MYT1L: variants seen among roughly 807,000 people sequenced by gnomAD.
MYT1L encodes the protein myelin transcription factor 1 like, also known as myelin transcription factor 1-like protein.
A neutral mutation model predicts 126.7 loss-of-function variants in MYT1L; 12 were observed. The observed-to-expected ratio is 0.09, with a 90% confidence interval of 0.06 to 0.15. The LOEUF (loss-of-function observed/expected upper bound fraction) is 0.15. Among genes scored for constraint, MYT1L ranks in the 10% least tolerant of loss-of-function variants. The pLI is 1.00. For synonymous variants in MYT1L, 541 were observed against 604.2 expected (o/e 0.90, Z 1.53); for missense variants, 979 against 1,585.2 (o/e 0.62, Z 6.49).
At chr2:2,150,880 A>AGGAAGGAAGGAAG (rs1390397498) in intron 3 of MYT1L, among the ~76,000 whole-genome samples, 1 of 133,326 alleles carries the variant, frequency 7.5e-6, no homozygotes, top group African/African-American at 2.9e-5. Context: ...AAGGGAGGGA[A>AGGAAGGAAGGAAG]GGAAGGAAGG....
In MYT1L at chr2:1,789,445, A is replaced by C. The variant is rs1410925090; in HGVS notation, c.*2422T>G. ...GATGACTCACAATAATCCATATGAA[A>C]GGTCAGCATTCTAATATGTGACACT... On this transcript the variant is annotated 3_prime_UTR_variant, in exon 25 of 25. Coordinates refer to ENST00000647738, the MANE Select transcript of MYT1L (RefSeq NM_001303052.2). 2 of 152,246 alleles carry C rather than the reference A, an allele frequency of 1.3e-5. No individual in the cohort carries two copies. Among genetic ancestry groups the C allele is most frequent in the African/African-American group, 4.8e-5 (2 of 41,462 alleles). 9.4% of individuals were successfully genotyped at this position (152,246 alleles called of 1,614,324 possible).
At chr2:1,914,950 C>A (rs546682646) in intron 11 of MYT1L, among the ~76,000 whole-genome samples, 1 of 152,214 alleles carries the variant, frequency 6.6e-6, no homozygotes, top group Admixed American at 6.5e-5. Flanking sequence ...CACCTCACGG[C>A]GGCCTTGGGG....
intron 19 of MYT1L, among the ~76,000 whole-genome samples, chr2:1,850,615 C>T (rs566006079): frequency 6.6e-6 from 1 of 152,286 alleles, no homozygotes; most frequent in African/African-American, 2.4e-5. Flanking sequence ...TACTAGAATG[C>T]ACCCGACCTT....
At chr2:1,911,768 A>T (rs1007315510) in intron 12 of MYT1L, among the ~76,000 whole-genome samples, 1 of 152,140 alleles carries the variant, frequency 6.6e-6, no homozygotes, top group Admixed American at 6.5e-5. Context: ...CCTTCCAGCC[A>T]TTGTAAATGG....
chr2:1,941,286 A>G (rs1275430963), intron 9 of MYT1L, among the ~76,000 whole-genome samples: 1 of 152,228 alleles, frequency 6.6e-6, no homozygotes, highest in Non-Finnish European at 1.5e-5. Context: ...CCGTCGCACC[A>G]AACATGAATG....
chr2:1,982,889 A>T (rs1263184618), intron 5 of MYT1L, among the ~76,000 whole-genome samples: 1 of 152,238 alleles, frequency 6.6e-6, no homozygotes, highest in East Asian at 1.9e-4. Flanking sequence ...GAAGTGCAGT[A>T]AAGCTAGTTT....
At chr2:2,259,895 A>G (rs1276448241) in intron 2 of MYT1L, among the ~76,000 whole-genome samples, 1 of 152,246 alleles carries the variant, frequency 6.6e-6, no homozygotes, top group Non-Finnish European at 1.5e-5. Flanking sequence ...AGCACTGGCC[A>G]GGGGTTCTGT....
intron 4 of MYT1L, among the ~76,000 whole-genome samples, chr2:2,040,399 T>C (rs1212139002): frequency 6.6e-6 from 1 of 152,302 alleles, no homozygotes; most frequent in East Asian, 1.9e-4. Context: ...TGCAGATTAA[T>C]CTTTAAAACT....
chr2:1,876,277 G>T (rs550828891), intron 18 of MYT1L, among the ~76,000 whole-genome samples: 40 of 152,292 alleles, frequency 2.6e-4, no homozygotes, highest in African/African-American at 8.9e-4. Flanking sequence ...GTGGGCCTGA[G>T]CCCCAGAGTC....
chr2:2,091,940 A>T (rs1190122796), intron 3 of MYT1L, among the ~76,000 whole-genome samples: 1 of 152,220 alleles, frequency 6.6e-6, no homozygotes, highest in Non-Finnish European at 1.5e-5. Flanking sequence ...CTCTGGATTA[A>T]GCTTTGACTG....
Position 1,887,339 on chromosome 2 carries a change from C to G in MYT1L, c.2642+149G>C. 2 of 984,864 alleles carry G rather than the reference C, an allele frequency of 2.0e-6. No homozygotes were observed. The highest frequency in any genetic ancestry group is 4.6e-5 in the Admixed American group (2 of 43,304). 61.0% of individuals were successfully genotyped at this position (984,864 alleles called of 1,614,324 possible). A position where few individuals can be genotyped will look rare whatever the true frequency, so the allele number is the denominator to read the frequency against. ...ACAGGCAAGTGCACGGTTAGCTGCT[C>G]ACTCTACTGACCCAGCAGTCGGAAA... On this transcript the variant is annotated intron_variant, in intron 17 of 24. Coordinates refer to ENST00000647738, the MANE Select transcript of MYT1L (RefSeq NM_001303052.2). The surrounding 1 kb of genome is among the most constrained non-coding windows in gnomAD (Gnocchi z 4.8).
In MYT1L at chr2:2,217,697, CAACAACAACAA is replaced by C. The variant is rs1355213814; in HGVS notation, c.-420-44720_-420-44710del. 2.6e-4 allele frequency among the ~76,000 whole-genome samples: 19 copies of C among 72,062 alleles called. 1 individual carries two copies. The South Asian group carries it at 6.4e-3, about 24-fold the overall frequency. 47.3% of individuals were successfully genotyped at this position (72,062 alleles called of 152,430 possible). On this transcript the variant is annotated intron_variant, in intron 2 of 24. Coordinates refer to ENST00000647738, the MANE Select transcript of MYT1L (RefSeq NM_001303052.2). ...ACAACAACAACAACAACAACAACAA[CAACAACAACAA>C]AAAAAAAAAAAGAAAGAAGGAAAAA...
intron 5 of MYT1L, among the ~76,000 whole-genome samples, chr2:1,995,026 C>T (rs953527309): frequency 2.0e-5 from 3 of 151,854 alleles, no homozygotes; most frequent in East Asian, 1.9e-4. Context: ...GGAGGAAATA[C>T]GTTATTCCAC....
chr2:1,794,301 A>G (rs2032928149), intron 23 of MYT1L, among the ~76,000 whole-genome samples: 1 of 152,230 alleles, frequency 6.6e-6, no homozygotes, highest in Non-Finnish European at 1.5e-5. Context: ...AGCCCAGCCC[A>G]GCTCGCCTCT....
chr2:2,310,552 T>C (rs1484781399), intron 1 of MYT1L, among the ~76,000 whole-genome samples: 1 of 152,208 alleles, frequency 6.6e-6, no homozygotes, highest in Non-Finnish European at 1.5e-5. Context: ...CCATGTGTAT[T>C]CTCTTCTATG....
At chr2:2,123,588 C>G (rs997384257) in intron 3 of MYT1L, among the ~76,000 whole-genome samples, 2 of 152,148 alleles carry the variant, frequency 1.3e-5, no homozygotes, top group East Asian at 3.9e-4. Context: ...CCTGCTCTGG[C>G]CTTACAAGAT....
chr2:2,052,662 G>A (rs1441882653), intron 4 of MYT1L, among the ~76,000 whole-genome samples: 3 of 152,062 alleles, frequency 2.0e-5, no homozygotes, highest in African/African-American at 7.2e-5. Flanking sequence ...ATAAACACAT[G>A]GAAAGATGCT....
At chr2:2,137,854 T>G (rs1162815672) in intron 3 of MYT1L, among the ~76,000 whole-genome samples, 2 of 151,870 alleles carry the variant, frequency 1.3e-5, no homozygotes, top group Non-Finnish European at 2.9e-5. Flanking sequence ...CTAATTAAAC[T>G]AAAGAGCTTC....
chr2:2,119,376 A>T (rs1042739568), intron 3 of MYT1L, among the ~76,000 whole-genome samples: 5 of 152,258 alleles, frequency 3.3e-5, no homozygotes, highest in African/African-American at 9.6e-5. Context: ...GTAAAAACTC[A>T]TAAATATCTC....
Sources: allele counts gnomAD v4.1 joint callset (sites outside exome capture counted in the v4.1 genomes callset), GRCh38; gene constraint gnomAD v4.1.1; non-coding constraint Gnocchi (gnomAD v3.1); transcripts MANE v1.5; gene names NCBI Gene and HGNC (gene_info 2026-07-23, HGNC 2026-07-21).